Variants in MS4A6E observed in about 807,000 individuals in gnomAD.
MS4A6E encodes membrane spanning 4-domains A6E.
A neutral mutation model predicts 13.2 loss-of-function variants in MS4A6E; 8 were observed. That is an observed-to-expected ratio of 0.60 (90% CI 0.35 to 1.09). MS4A6E has a LOEUF of 1.09. MS4A6E is among the 50% of genes least tolerant of loss of function. The probability of loss-of-function intolerance (pLI) is 0.02; values close to 1 mark genes in which losing one functional copy is unlikely to be tolerated. For synonymous variants in MS4A6E, 72 were observed against 67.6 expected, an observed-to-expected ratio of 1.06 and a Z score of -0.32; for missense variants, 177 against 171.1, an observed-to-expected ratio of 1.03 and a Z score of -0.19.
chr11:60,343,550 A>T (rs1390198332), downstream of MS4A6E, among the ~76,000 whole-genome samples: 2 of 152,222 alleles, frequency 1.3e-5, no homozygotes, highest in African/African-American at 4.8e-5. Context: ...ACTCGCCAAG[A>T]TGTAGAATTT....
intron 4 of MS4A6E, among the ~76,000 whole-genome samples, chr11:60,346,490 C>T (rs1164614242): frequency 1.3e-5 from 2 of 152,184 alleles, no homozygotes; most frequent in African/African-American, 4.8e-5. Flanking sequence ...TTAGGATGAG[C>T]CATCCCTTGA....
In MS4A6E at chr11:60,334,736, G is replaced by A. The variant is rs1158275575; in HGVS notation, c.-14-146G>A. ...AATCCTCATGATACCAAGGTTGTGT[G>A]GCTTTCACTGCTCCATAATATCAGT... On this transcript the variant is annotated intron_variant, in intron 1 of 4. Coordinates refer to ENST00000684409, the MANE Select transcript of MS4A6E (RefSeq NM_139249.4). 3 of 812,812 alleles carry A rather than the reference G, an allele frequency of 3.7e-6. No individual in the cohort carries two copies. In the East Asian group the frequency reaches 7.8e-5, roughly 21 times the overall value. 50.3% of individuals were successfully genotyped at this position (812,812 alleles called of 1,614,324 possible). A position where few individuals can be genotyped will look rare whatever the true frequency, so the allele number is the denominator to read the frequency against.
rs758765696 is a variant in MS4A6E, at chr11:60,335,513, T to C, written c.147+471T>C. Reference sequence around the variant, plus strand: ...ATGATATTTACCTTTTATTTGTCTGTTTCTCCTCTCATCCAGAGTTTATTA... The same window carrying C: ...ATGATATTTACCTTTTATTTGTCTGCTTCTCCTCTCATCCAGAGTTTATTA... On this transcript the variant is annotated intron_variant, in intron 2 of 4. Coordinates refer to ENST00000684409, the MANE Select transcript of MS4A6E (RefSeq NM_139249.4). 3 of 452,922 alleles carry C rather than the reference T, an allele frequency of 6.6e-6. No homozygotes were observed. The East Asian group carries it at 2.1e-4, about 31-fold the overall frequency. The allele number at this position is 452,922 out of a possible 1,614,324, so 28.1% of individuals were successfully genotyped here. A position where few individuals can be genotyped will look rare whatever the true frequency, so the allele number is the denominator to read the frequency against.
At position 60,337,944 on chromosome 11, in the gene MS4A6E, G is replaced by A. The variant is rs1185862934; in HGVS notation, c.351G>A (p.Leu117=). 2 of 1,613,370 alleles carry A rather than the reference G, an allele frequency of 1.2e-6. No individual in the cohort carries two copies. Among genetic ancestry groups the A allele is most frequent in the Non-Finnish European group, 1.7e-6 (2 of 1,179,610 alleles). ...TMDCHRAKAS[L]AGTLSLMLVS... ...ACTGCCATAGAGCCAAAGCCAGTCT[G>A]GCTGTAAGTATTTTTTAGATGGGAT... The change falls in exon 3 of 5, where the codon CTG becomes CTA. Residue 117 remains leucine (L), a synonymous_variant. Coordinates refer to ENST00000684409, the MANE Select transcript of MS4A6E (RefSeq NM_139249.4).
chr11:60,348,637 T>C (rs934994938), intron 4 of MS4A6E, among the ~76,000 whole-genome samples: 4 of 152,320 alleles, frequency 2.6e-5, no homozygotes, highest in South Asian at 4.1e-4. Context: ...AGGCTTCAGA[T>C]AACACCAGGG....
chr11:60,343,824 G>A (rs763156878), downstream of MS4A6E, among the ~76,000 whole-genome samples: 2 of 152,156 alleles, frequency 1.3e-5, no homozygotes, highest in African/African-American at 2.4e-5. Context: ...GCTGTCAGAG[G>A]TTGCTCTCTC....
downstream of MS4A6E, among the ~76,000 whole-genome samples, chr11:60,343,437 C>T (rs1254925389): frequency 6.6e-6 from 1 of 152,110 alleles, no homozygotes; most frequent in Non-Finnish European, 1.5e-5. Context: ...ACCGGAATTC[C>T]ATATTGCAGG....
At chr11:60,334,202 A>T (rs188583776) in intron 1 of MS4A6E, among the ~76,000 whole-genome samples, 6 of 152,142 alleles carry the variant, frequency 3.9e-5, no homozygotes, top group Admixed American at 1.3e-4. Flanking sequence ...CACTAGGGAG[A>T]TTGTAGTACT....
At chr11:60,339,063 C>T (rs2085207113) in intron 3 of MS4A6E, among the ~76,000 whole-genome samples, 1 of 152,166 alleles carries the variant, frequency 6.6e-6, no homozygotes. Flanking sequence ...AGGTAATGGA[C>T]ACAACATGTA....
chr11:60,341,517 T>TA (rs1327895543), downstream of MS4A6E, among the ~76,000 whole-genome samples: 7 of 152,158 alleles, frequency 4.6e-5, no homozygotes, highest in South Asian at 1.2e-3. Context: ...AGTTCATACT[T>TA]ACGTCCTTAT....
chr11:60,331,597 AGAT>A (rs576874136), intron 1 of MS4A6E, among the ~76,000 whole-genome samples: 228 of 152,206 alleles, frequency 1.5e-3, no homozygotes, highest in Non-Finnish European at 2.7e-3. Flanking sequence ...AACACAACAT[AGAT>A]GATGTGACTT....
downstream of MS4A6E, among the ~76,000 whole-genome samples, chr11:60,342,617 T>G (rs2085235332): frequency 6.6e-6 from 1 of 152,164 alleles, no homozygotes; most frequent in East Asian, 1.9e-4. Flanking sequence ...TCTTTTATTA[T>G]GCAGATGGGG....
chr11:60,335,201 T>C (rs923651760), intron 2 of MS4A6E, among the ~76,000 whole-genome samples, 159 bp downstream of exon 2: 2 of 152,218 alleles, frequency 1.3e-5, no homozygotes, highest in African/African-American at 2.4e-5. Context: ...CCCAGAACTT[T>C]TCCACAGGAG....
At chr11:60,347,548 G>A (rs2085261633) in intron 4 of MS4A6E, among the ~76,000 whole-genome samples, 1 of 143,780 alleles carries the variant, frequency 7.0e-6, no homozygotes, top group African/African-American at 2.6e-5. Context: ...TCAGGCCAAA[G>A]ACAATCTGTT....
chr11:60,347,790 C>T (rs2085262821), intron 4 of MS4A6E, among the ~76,000 whole-genome samples: 1 of 152,096 alleles, frequency 6.6e-6, no homozygotes, highest in African/African-American at 2.4e-5. Context: ...CTTAGTCATG[C>T]ATACCCATGC....
intron 2 of MS4A6E, 49 bp downstream of exon 2, chr11:60,335,091 G>A: frequency 1.9e-6 from 3 of 1,604,768 alleles, no homozygotes; most frequent in Non-Finnish European, 2.6e-6. Flanking sequence ...GAAGTGGGAA[G>A]AGATGATGTA....
intron 1 of MS4A6E, among the ~76,000 whole-genome samples, chr11:60,332,884 C>A (rs2085165787): frequency 6.6e-6 from 1 of 152,218 alleles, no homozygotes; most frequent in Non-Finnish European, 1.5e-5. Flanking sequence ...CACCCGCATG[C>A]CCGCATAAAT....
intron 1 of MS4A6E, among the ~76,000 whole-genome samples, chr11:60,327,812 T>C (rs951242396): frequency 1.3e-5 from 2 of 151,960 alleles, no homozygotes; most frequent in African/African-American, 2.4e-5. Context: ...GGCAGATTAC[T>C]GGAGGTCAGG....
At position 60,329,225 on chromosome 11, in the gene MS4A6E, T is replaced by C. The variant is rs147903951; in HGVS notation, c.-15+1817T>C. ...ATTCTCGTTGTTCAATTCCCACTTATGAGTGAGAATATGCAGTGTTTGGTT... is the reference window on the plus strand; with the variant it reads ...ATTCTCGTTGTTCAATTCCCACTTACGAGTGAGAATATGCAGTGTTTGGTT... On this transcript the variant is annotated intron_variant, in intron 1 of 4. Coordinates refer to ENST00000684409, the MANE Select transcript of MS4A6E (RefSeq NM_139249.4). Among the ~76,000 whole-genome samples, 785 of 151,916 alleles carry C rather than the reference T, an allele frequency of 5.2e-3. 4 individuals are homozygous for C. Among genetic ancestry groups the C allele is most frequent in the African/African-American group, 0.018 (745 of 41,400 alleles).
Sources: gnomAD v4.1 joint callset for allele counts (sites outside exome capture counted in the v4.1 genomes callset) on GRCh38, gnomAD v4.1.1 for gene constraint, MANE v1.5 for transcripts, NCBI Gene and HGNC (gene_info 2026-07-23, HGNC 2026-07-21) for gene names.